The following TUBGCP5 variants were observed in gnomAD, a reference collection of about 807,000 sequenced individuals.
TUBGCP5 encodes the protein gamma-tubulin complex component 5.
Under a neutral mutation model 134.7 loss-of-function variants are expected in TUBGCP5, and 98 were observed. The observed-to-expected ratio is 0.73, with a 90% CI of 0.62 to 0.86. The LOEUF (loss-of-function observed/expected upper bound fraction) is 0.86, where lower values mean the gene tolerates loss of function less well. Among genes scored for constraint, TUBGCP5 ranks in the 40% least tolerant of loss-of-function variants. TUBGCP5 has a pLI of 0.00. For synonymous variants in TUBGCP5, 456 were observed against 431.4 expected, an observed-to-expected ratio of 1.06 and a Z score of -0.71; for missense variants, 1,150 against 1,244.8, an observed-to-expected ratio of 0.92 and a Z score of 1.15.
chr15:23,023,168 T>C (rs2065798823), intron 10 of TUBGCP5: 1 of 152,018 alleles, frequency 6.6e-6, no homozygotes, highest in African/African-American at 2.4e-5. Context: ...CCTGTCTCTA[T>C]TGAAAATACA....
chr15:23,024,648 C>A, intron 9 of TUBGCP5, 89 bp downstream of exon 9: 1 of 718,298 alleles, frequency 1.4e-6, no homozygotes, highest in Non-Finnish European at 2.2e-6. Context: ...AGTTCAATAG[C>A]AATTTTAATA....
intron 11 of TUBGCP5, among the ~76,000 whole-genome samples, chr15:23,020,458 C>A (rs2065608004): frequency 6.6e-6 from 1 of 151,124 alleles, no homozygotes; most frequent in African/African-American, 2.4e-5. Context: ...TGGTGATGTG[C>A]GCCTGTAGTC....
chr15:23,005,791 C>T (rs1431818015), intron 18 of TUBGCP5, 181 bp from the exon 19 acceptor site: 1 of 701,716 alleles, frequency 1.4e-6, no homozygotes, highest in Non-Finnish European at 2.3e-6. Context: ...TTTCCTGTAT[C>T]ACTTTTCCTA....
At chr15:23,026,475 T>C (rs2065992524) in intron 7 of TUBGCP5, among the ~76,000 whole-genome samples, 1 of 152,154 alleles carries the variant, frequency 6.6e-6, no homozygotes, top group South Asian at 2.1e-4. Flanking sequence ...AAGATGTGTA[T>C]TTTTGCAGTA....
chr15:23,020,557 G>A (rs12907496), intron 11 of TUBGCP5, among the ~76,000 whole-genome samples: 12,891 of 127,006 alleles, frequency 0.1, 1,020 homozygotes, highest in East Asian at 0.48. Context: ...CTGCACTCCA[G>A]CCTGGCAACA....
intron 11 of TUBGCP5, among the ~76,000 whole-genome samples, chr15:23,020,297 C>T (rs926256720): frequency 2.0e-5 from 3 of 152,020 alleles, no homozygotes; most frequent in African/African-American, 7.2e-5. Flanking sequence ...ATCCCAGGTA[C>T]TCAGGAGGCT....
intron 21 of TUBGCP5, among the ~76,000 whole-genome samples, 198 bp downstream of exon 21, chr15:23,002,867 C>T (rs2064470919): frequency 6.6e-6 from 1 of 150,888 alleles, no homozygotes; most frequent in Admixed American, 6.6e-5. Context: ...TGTTTTACTT[C>T]TCAAAAAATA....
intron 6 of TUBGCP5, 37 bp from the exon 7 acceptor site, chr15:23,027,343 CAA>C: frequency 6.5e-7 from 1 of 1,536,122 alleles, no homozygotes; most frequent in South Asian, 1.1e-5. Context: ...GAGTTAACAA[CAA>C]CAAAATACTG....
intron 19 of TUBGCP5, chr15:23,004,664 AAAAC>A (rs2064600144): frequency 6.5e-6 from 1 of 154,354 alleles, no homozygotes; most frequent in South Asian, 2.0e-4. Flanking sequence ...CCTCAAATAA[AAAAC>A]AAACTAAGAA....
intron 11 of TUBGCP5, among the ~76,000 whole-genome samples, chr15:23,020,593 A>G (rs1249260039): frequency 6.6e-6 from 1 of 151,168 alleles, no homozygotes; most frequent in Non-Finnish European, 1.5e-5. Context: ...TCAAAAAAAA[A>G]AAAAAAAAAA....
chr15:22,986,537 G>A (rs2063686367), intron 23 of TUBGCP5, among the ~76,000 whole-genome samples: 1 of 152,006 alleles, frequency 6.6e-6, no homozygotes, highest in Non-Finnish European at 1.5e-5. Flanking sequence ...AGGAGTTCGA[G>A]ACCAGCCTGA....
chr15:22,988,571 G>A (rs909604594), intron 23 of TUBGCP5, among the ~76,000 whole-genome samples: 43 of 149,824 alleles, frequency 2.9e-4, no homozygotes, highest in Admixed American at 3.3e-4. Flanking sequence ...GTCTCTACTA[G>A]AAAATACAAA....
chr15:23,011,378 A>G (rs1314925240), intron 13 of TUBGCP5, 47 bp from the exon 14 acceptor site: 1 of 1,369,992 alleles, frequency 7.3e-7, no homozygotes. Context: ...CTGTTTAATC[A>G]TATTAAGTAA....
chr15:22,998,868 C>T (rs530750549), downstream of TUBGCP5, among the ~76,000 whole-genome samples: 13 of 152,246 alleles, frequency 8.5e-5, no homozygotes, highest in South Asian at 4.2e-4. Flanking sequence ...CCGCCCACCT[C>T]GGCCTCCCAA....
Position 23,037,117 on chromosome 15 carries a change from AT to A in TUBGCP5, c.181del (p.Ile61Ter). On this transcript the variant is annotated frameshift_variant, in exon 2 of 23. Coordinates refer to ENST00000615383, the MANE Select transcript of TUBGCP5 (RefSeq NM_052903.6). LOFTEE classifies it high-confidence loss of function. The part of the protein sequence containing the change: ...HRFLDVNSHK[I>X]EKTIEGIYEK... ...GACTTACCCTTCGATTGTTTTTTCT[AT>A]TTTGTGGCTGTTGACATCCAAGAAA... The A allele has an allele frequency of 6.2e-7, 1 of 1,613,624 alleles. No individual in the cohort carries two copies. Among genetic ancestry groups the A allele is most frequent in the East Asian group, 2.2e-5 (1 of 44,882 alleles).
intron 23 of TUBGCP5, among the ~76,000 whole-genome samples, chr15:22,989,528 G>C (rs544490040): frequency 6.6e-6 from 1 of 152,264 alleles, no homozygotes; most frequent in African/African-American, 2.4e-5. Context: ...GTCTTGGTCT[G>C]TCTTTTTAAA....
intron 11 of TUBGCP5, among the ~76,000 whole-genome samples, chr15:23,021,125 C>T (rs544620555): frequency 6.6e-6 from 1 of 152,048 alleles, no homozygotes; most frequent in East Asian, 1.9e-4. Flanking sequence ...CTGGTGTCAG[C>T]ACACCTGGCT....
At chr15:22,990,483 GC>G (rs945931419) in intron 23 of TUBGCP5, among the ~76,000 whole-genome samples, 6 of 152,186 alleles carry the variant, frequency 3.9e-5, no homozygotes, top group Middle Eastern at 3.2e-3. Flanking sequence ...AGGTGAGAAA[GC>G]AGAAGTAACA....
At chr15:23,007,719 A>G (rs2064807235) in intron 16 of TUBGCP5, among the ~76,000 whole-genome samples, 1 of 152,200 alleles carries the variant, frequency 6.6e-6, no homozygotes, top group African/African-American at 2.4e-5. Context: ...TGTGTGCAAG[A>G]CATGAGGCTG....
Sources: allele counts gnomAD v4.1 joint callset (sites outside exome capture counted in the v4.1 genomes callset), GRCh38; gene constraint gnomAD v4.1.1; transcripts MANE v1.5; gene names NCBI Gene and HGNC (gene_info 2026-07-23, HGNC 2026-07-21).